ZBTB40: variants seen among roughly 807,000 people sequenced by gnomAD.
ZBTB40 encodes the protein zinc finger and BTB domain containing 40, also known as zinc finger and BTB domain-containing protein 40.
ZBTB40 carries 60 observed loss-of-function variants against 117.5 expected under a neutral mutation model. That is an observed-to-expected ratio of 0.51 (90% CI 0.41 to 0.63). The LOEUF (loss-of-function observed/expected upper bound fraction) is 0.63, where lower values mean the gene tolerates loss of function less well. Ranked by LOEUF, ZBTB40 falls within the 30% of genes least tolerant of loss-of-function variation. The pLI, the probability that ZBTB40 is intolerant of heterozygous loss-of-function variation, is 0.00. For synonymous variants in ZBTB40, 525 were observed against 577.1 expected (o/e 0.91, Z 1.29); for missense variants, 1,287 against 1,498.5 (o/e 0.86, Z 2.33).
chr1:22,482,795 G>A (rs532098636), intron 1 of ZBTB40, among the ~76,000 whole-genome samples: 3 of 152,256 alleles, frequency 2.0e-5, no homozygotes, highest in African/African-American at 7.2e-5. Context: ...TTTAAGGCCG[G>A]GTGCGGTGGC....
Position 22,526,281 on chromosome 1 carries a change from T to G in ZBTB40, c.3605T>G (p.Val1202Gly). 1 of 1,614,160 alleles carries G rather than the reference T, an allele frequency of 6.2e-7. No homozygotes were observed. The highest frequency in any genetic ancestry group is 8.5e-7 in the Non-Finnish European group (1 of 1,180,038). ...GAGACCCAGCTTGCCGGGTCGCAGG[T>G]GTTTGTGACGTTGCCAGATTCTCAG... The part of the protein sequence containing the change: ...LEETQLAGSQ[V>G]FVTLPDSQAS... The change falls in exon 18 of 18, where the codon GTG becomes GGG. Residue 1202 changes from valine (V) to glycine (G), a missense_variant. Physicochemically the swap from Val to Gly is moderately radical, Grantham distance 109. This residue lies in a region of ZBTB40 where 417 missense variants were observed against 564.1 expected (regional missense o/e 0.74). Coordinates refer to ENST00000375647, the MANE Select transcript of ZBTB40 (RefSeq NM_014870.4).
intron 5 of ZBTB40, 113 bp from the exon 6 acceptor site, chr1:22,505,936 G>C: frequency 9.6e-7 from 1 of 1,041,956 alleles, no homozygotes; most frequent in South Asian, 1.3e-5. Context: ...CAACAGAAGA[G>C]GACTTGGAGA....
rs1234045102 is a variant in ZBTB40 at position 22,529,073 on chromosome 1, T to TA, written c.*2678dup. ...GGGCTCCGCACTGGCTGACTGATTT[T>TA]ATAGTCTTGCTCTCTAGAGAAGCCC... On this transcript the variant is annotated 3_prime_UTR_variant, in exon 18 of 18. Transcript: ENST00000375647. 6.6e-6 allele frequency: 1 copy of TA among 152,340 alleles called. No homozygotes were observed. The highest frequency in any genetic ancestry group is 1.5e-5 in the Non-Finnish European group (1 of 68,040). The allele number at this position is 152,340 out of a possible 1,614,324, so 9.4% of individuals were successfully genotyped here. A position where few individuals can be genotyped will look rare whatever the true frequency, so the allele number is the denominator to read the frequency against.
intron 1 of ZBTB40, among the ~76,000 whole-genome samples, chr1:22,479,097 A>T (rs576095696): frequency 2.2e-4 from 34 of 152,232 alleles, no homozygotes; most frequent in Non-Finnish European, 4.9e-4. Context: ...TTAAAATTTT[A>T]TCTGTGTTCT....
chr1:22,465,154 G>A (rs889393392), intron 1 of ZBTB40, among the ~76,000 whole-genome samples: 4 of 152,200 alleles, frequency 2.6e-5, no homozygotes, highest in Admixed American at 1.3e-4. Context: ...TCTGTCGAGT[G>A]TTCAGCTCTC....
chr1:22,438,075 A>G (rs1394527191), intron 1 of ZBTB40, among the ~76,000 whole-genome samples: 1 of 152,170 alleles, frequency 6.6e-6, no homozygotes, highest in Non-Finnish European at 1.5e-5. Context: ...GGTTGCAGTG[A>G]GCCGAGATCG....
chr1:22,517,937 T>A (rs1639419169), intron 13 of ZBTB40, among the ~76,000 whole-genome samples: 1 of 152,250 alleles, frequency 6.6e-6, no homozygotes, highest in Non-Finnish European at 1.5e-5. Flanking sequence ...CCATTGTATT[T>A]CACACAGTTA....
At chr1:22,440,619 T>C (rs911625195) in intron 1 of ZBTB40, among the ~76,000 whole-genome samples, 6 of 152,244 alleles carry the variant, frequency 3.9e-5, no homozygotes, top group South Asian at 2.1e-4. Context: ...TTTTTATATA[T>C]GGCTTTTATT....
At chr1:22,495,985 G>A (rs773438457) in intron 3 of ZBTB40, among the ~76,000 whole-genome samples, 2 of 152,164 alleles carry the variant, frequency 1.3e-5, no homozygotes, top group South Asian at 2.1e-4. Flanking sequence ...TGGACAGGAC[G>A]CTGGCACTGG....
chr1:22,453,324 AC>A (rs1640927477), intron 1 of ZBTB40, among the ~76,000 whole-genome samples: 1 of 152,120 alleles, frequency 6.6e-6, no homozygotes, highest in Non-Finnish European at 1.5e-5. Context: ...GTTTCAGAAC[AC>A]CCCATGCATG....
chr1:22,434,141 G>A (rs1405478700), intron 1 of ZBTB40, among the ~76,000 whole-genome samples: 2 of 152,176 alleles, frequency 1.3e-5, no homozygotes, highest in African/African-American at 4.8e-5. Context: ...TTCCTAATGA[G>A]TAGGTGAAGA....
At chr1:22,502,669 G>A (rs1274244456) in intron 5 of ZBTB40, among the ~76,000 whole-genome samples, 2 of 152,148 alleles carry the variant, frequency 1.3e-5, no homozygotes, top group African/African-American at 2.4e-5. Context: ...ATGGATGGAT[G>A]TGTGGGTGGG....
intron 1 of ZBTB40, among the ~76,000 whole-genome samples, chr1:22,444,646 C>G (rs761820332): frequency 7.9e-5 from 12 of 152,152 alleles, no homozygotes; most frequent in Admixed American, 7.9e-4. Flanking sequence ...AGTGAGCATG[C>G]GTACGACTTC....
intron 1 of ZBTB40, among the ~76,000 whole-genome samples, chr1:22,430,101 T>G (rs1031691208): frequency 2.0e-5 from 3 of 152,246 alleles, no homozygotes; most frequent in East Asian, 3.8e-4. Context: ...ATAAGTGTTT[T>G]CTTGTATCTA....
chr1:22,526,570 A>G lies in ZBTB40; in HGVS notation c.*174A>G, dbSNP rs1569900210. The G allele has an allele frequency of 1.2e-6, 1 of 807,914 alleles. No individual in the cohort carries two copies. The highest frequency in any genetic ancestry group is 2.0e-6 in the Non-Finnish European group (1 of 500,438). The allele number at this position is 807,914 out of a possible 1,614,324, so 50.0% of individuals were successfully genotyped here. ...AAGCTTCGTTGTTCTCATAGAACCA[A>G]CAGCATCTGAGCCCTCAACACCAAC... On this transcript the variant is annotated 3_prime_UTR_variant, in exon 18 of 18. Coordinates refer to ENST00000375647, the MANE Select transcript of ZBTB40 (RefSeq NM_014870.4).
chr1:22,497,276 TCTC>T (rs1396773076), intron 3 of ZBTB40, among the ~76,000 whole-genome samples: 1 of 152,222 alleles, frequency 6.6e-6, no homozygotes. Context: ...AGCATTTTTT[TCTC>T]CTTCAACTTT....
chr1:22,530,713 A>G lies in ZBTB40; in HGVS notation c.*4317A>G, dbSNP rs1300807474. On this transcript the variant is annotated 3_prime_UTR_variant, in exon 18 of 18. Coordinates refer to ENST00000375647, the MANE Select transcript of ZBTB40 (RefSeq NM_014870.4). Reference sequence around the variant, plus strand: ...AAAAATTAGGCTACATGAGTTTCAAATGGACTGTGATGTTATAGACCTGCT... The same window carrying G: ...AAAAATTAGGCTACATGAGTTTCAAGTGGACTGTGATGTTATAGACCTGCT... 1 of 152,350 alleles carries G rather than the reference A, an allele frequency of 6.6e-6. No individual in the cohort carries two copies. The highest frequency in any genetic ancestry group is 6.5e-5 in the Admixed American group (1 of 15,288). 9.4% of individuals were successfully genotyped at this position (152,350 alleles called of 1,614,324 possible). A position where few individuals can be genotyped will look rare whatever the true frequency, so the allele number is the denominator to read the frequency against.
At chr1:22,500,648 C>T (rs1030660406) in intron 3 of ZBTB40, among the ~76,000 whole-genome samples, 2 of 152,056 alleles carry the variant, frequency 1.3e-5, no homozygotes, top group Non-Finnish European at 2.9e-5. Flanking sequence ...CAAGTGCCAC[C>T]GAAAGGTCAA....
At position 22,490,360 on chromosome 1, in the gene ZBTB40, A is replaced by G; in HGVS notation, c.412A>G (p.Arg138Gly). 1 of 1,614,144 alleles carries G rather than the reference A, an allele frequency of 6.2e-7. No individual in the cohort carries two copies. The highest frequency in any genetic ancestry group is 8.5e-7 in the Non-Finnish European group (1 of 1,180,004). ...CTCTGCGCCATCCTCAGAGACATTCAGAAAGGAACCAGAGAAGCCTCAAGT... is the reference window on the plus strand; with the variant it reads ...CTCTGCGCCATCCTCAGAGACATTCGGAAAGGAACCAGAGAAGCCTCAAGT... ...DVSAPSSETFRKEPEKPQVEI... is the reference protein window; with the variant it reads ...DVSAPSSETFGKEPEKPQVEI... The change falls in exon 2 of 18, where the codon AGA becomes GGA. Residue 138 changes from arginine to glycine, a missense_variant. By Grantham distance (125) the Arg-to-Gly change is moderately radical. This residue lies in a region of ZBTB40 where 870 missense variants were observed against 934.4 expected (regional missense o/e 0.93). Coordinates refer to ENST00000375647, the MANE Select transcript of ZBTB40 (RefSeq NM_014870.4).
Sources: gnomAD v4.1 joint callset for allele counts (sites outside exome capture counted in the v4.1 genomes callset) on GRCh38, gnomAD v4.1.1 for gene constraint, gnomAD v4.1.1 regional missense constraint, MANE v1.5 for transcripts, NCBI Gene and HGNC (gene_info 2026-07-23, HGNC 2026-07-21) for gene names.